Variants in MYO1E observed in about 807,000 individuals in gnomAD.
MYO1E encodes myosin IE, also known as unconventional myosin-Ie.
Under a neutral mutation model 151.1 loss-of-function variants are expected in MYO1E, and 68 were observed. The observed-to-expected ratio is 0.45, with a 90% CI of 0.37 to 0.55. The LOEUF is 0.55. Ranked by LOEUF, MYO1E falls within the 20% of genes least tolerant of loss-of-function variation. MYO1E has a pLI of 0.00. For missense variants in MYO1E, 1,363 were observed against 1,389.3 expected, an observed-to-expected ratio of 0.98 and a Z score of 0.30; for synonymous variants, 601 against 501.7, an observed-to-expected ratio of 1.20 and a Z score of -2.64.
intron 2 of MYO1E, among the ~76,000 whole-genome samples, chr15:59,268,396 G>A (rs374711682): frequency 6.6e-6 from 1 of 152,130 alleles, no homozygotes; most frequent in South Asian, 2.1e-4. Flanking sequence ...TAGAACACAC[G>A]ATTAGTCAGT....
chr15:59,282,910 GA>G (rs2080362612), intron 1 of MYO1E, among the ~76,000 whole-genome samples: 1 of 118 alleles, frequency 8.5e-3, no homozygotes, highest in African/African-American at 0.023. Flanking sequence ...GGGGAGGGGG[GA>G]GGGGGAGGGG....
At chr15:59,356,599 G>GT (rs1228374755) in intron 1 of MYO1E, among the ~76,000 whole-genome samples, 1 of 152,160 alleles carries the variant, frequency 6.6e-6, no homozygotes, top group African/African-American at 2.4e-5. Flanking sequence ...GTTTTTTGGG[G>GT]TTTTTTGTTG....
intron 15 of MYO1E, among the ~76,000 whole-genome samples, chr15:59,202,982 G>C (rs1224774656): frequency 6.6e-6 from 1 of 152,228 alleles, no homozygotes; most frequent in Non-Finnish European, 1.5e-5. Context: ...CTGGACTCAA[G>C]AGGTGCTCCT....
chr15:59,266,689 G>A (rs1183164352), intron 2 of MYO1E: 5 of 136,444 alleles, frequency 3.7e-5, no homozygotes, highest in Non-Finnish European at 7.7e-5. Context: ...TTGAGACGGA[G>A]TCTCAGTCTG....
chr15:59,307,434 G>A (rs1295084569), intron 1 of MYO1E, among the ~76,000 whole-genome samples: 1 of 152,212 alleles, frequency 6.6e-6, no homozygotes, highest in African/African-American at 2.4e-5. Flanking sequence ...ATGGGAAAGG[G>A]ACAGAGCAAG....
At chr15:59,219,799 T>G (rs977614073) in intron 9 of MYO1E, among the ~76,000 whole-genome samples, 1 of 152,110 alleles carries the variant, frequency 6.6e-6, no homozygotes. Flanking sequence ...TTTCTTTTGA[T>G]TGAGCAGTTC....
intron 1 of MYO1E, among the ~76,000 whole-genome samples, chr15:59,276,727 CCTTGAGG>C (rs768973051): frequency 2.7e-4 from 41 of 152,316 alleles, no homozygotes; most frequent in South Asian, 6.2e-4. Context: ...AAGAACTCGG[CCTTGAGG>C]CTGGGAACCT....
At chr15:59,165,138 C>G (rs2079556793) in intron 22 of MYO1E, among the ~76,000 whole-genome samples, 1 of 152,142 alleles carries the variant, frequency 6.6e-6, no homozygotes, top group African/African-American at 2.4e-5. Context: ...TACATATTAC[C>G]CACTTTCAGT....
At position 59,227,558 on chromosome 15, in the gene MYO1E, A is replaced by C; in HGVS notation, c.543T>G (p.Gly181=). The C allele has an allele frequency of 6.2e-7, 1 of 1,614,184 alleles. No individual in the cohort carries two copies. The highest frequency in any genetic ancestry group is 8.5e-7 in the Non-Finnish European group (1 of 1,180,016). Residue 181 remains glycine (G), a synonymous_variant, in exon 7 of 28, where the codon GGT becomes GGG. Coordinates refer to ENST00000288235, the MANE Select transcript of MYO1E (RefSeq NM_004998.4). ...AGATCTTTCCACCATCTGGTTCCCCACCTGGACTGAACTGGATTTCAAAGT... is the reference window on the plus strand; with the variant it reads ...AGATCTTTCCACCATCTGGTTCCCCCCCTGGACTGAACTGGATTTCAAAGT... The part of the protein sequence containing the change: ...GKYFEIQFSP[G]GEPDGGKISN...
intron 16 of MYO1E, among the ~76,000 whole-genome samples, chr15:59,196,194 T>G (rs2079765236): frequency 6.6e-6 from 1 of 152,216 alleles, no homozygotes; most frequent in South Asian, 2.1e-4. Context: ...CTGAACACTT[T>G]ATCTGTGGCT....
intron 2 of MYO1E, among the ~76,000 whole-genome samples, chr15:59,263,024 GA>G (rs35752024): frequency 0.17 from 25,868 of 151,180 alleles, 2,833 homozygotes; most frequent in East Asian, 0.53. Context: ...ACTTCATGGA[GA>G]AAAAAAATCT....
intron 1 of MYO1E, among the ~76,000 whole-genome samples, chr15:59,341,600 GTCTT>G (rs1173808920): frequency 6.6e-6 from 1 of 152,118 alleles, no homozygotes; most frequent in Non-Finnish European, 1.5e-5. Context: ...TATGAAATCT[GTCTT>G]TCTGTGCCTA....
chr15:59,204,024 C>T (rs2079817981), intron 15 of MYO1E, among the ~76,000 whole-genome samples: 1 of 152,156 alleles, frequency 6.6e-6, no homozygotes, highest in African/African-American at 2.4e-5. Context: ...GTCCGTATGA[C>T]AGCAGTTTAT....
At chr15:59,194,871 TG>T (rs2079756301) in intron 17 of MYO1E, among the ~76,000 whole-genome samples, 1 of 152,246 alleles carries the variant, frequency 6.6e-6, no homozygotes, top group South Asian at 2.1e-4. Flanking sequence ...CAGGCTTCAC[TG>T]GAAGTCAGGG....
intron 26 of MYO1E, among the ~76,000 whole-genome samples, chr15:59,153,342 C>T (rs566326601): frequency 2.6e-5 from 4 of 152,238 alleles, no homozygotes; most frequent in East Asian, 3.9e-4. Context: ...AAGGGGAACC[C>T]GTCTTCTGAT....
At chr15:59,194,115 A>AG (rs1174789190) in intron 17 of MYO1E, among the ~76,000 whole-genome samples, 1 of 152,204 alleles carries the variant, frequency 6.6e-6, no homozygotes, top group African/African-American at 2.4e-5. Flanking sequence ...CAGAGGTTGC[A>AG]GTGAACCAAG....
At chr15:59,167,039 A>T (rs1258725930) in intron 22 of MYO1E, among the ~76,000 whole-genome samples, 1 of 152,170 alleles carries the variant, frequency 6.6e-6, no homozygotes, top group Non-Finnish European at 1.5e-5. Context: ...CATGATGTTG[A>T]CAACTTCCAG....
intron 16 of MYO1E, among the ~76,000 whole-genome samples, chr15:59,200,408 C>A (rs2079794002): frequency 6.6e-6 from 1 of 152,190 alleles, no homozygotes; most frequent in Non-Finnish European, 1.5e-5. Context: ...CCCCAGTGAG[C>A]CTAACCCAGG....
Position 59,372,629 on chromosome 15 carries a change from A to G in MYO1E, c.-129T>C, listed in dbSNP as rs1427720891. Reference sequence around the variant, plus strand: ...AAAAACAGGCTCCCGACACCCAAGCACTCACAGGAGCCAATGGGAACCCAG... The same window carrying G: ...AAAAACAGGCTCCCGACACCCAAGCGCTCACAGGAGCCAATGGGAACCCAG... On this transcript the variant is annotated 5_prime_UTR_variant, in exon 1 of 28. Transcript: ENST00000288235. The G allele has an allele frequency of 4.9e-6, 6 of 1,236,780 alleles. No homozygotes were observed. Among genetic ancestry groups the G allele is most frequent in the Admixed American group, 2.2e-5 (1 of 45,328 alleles). 76.6% of individuals were successfully genotyped at this position (1,236,780 alleles called of 1,614,324 possible).
Sources: allele counts gnomAD v4.1 joint callset (sites outside exome capture counted in the v4.1 genomes callset), GRCh38; gene constraint gnomAD v4.1.1; transcripts MANE v1.5; gene names NCBI Gene and HGNC (gene_info 2026-07-23, HGNC 2026-07-21).